Variants in TESK2 observed in about 807,000 individuals in gnomAD.
The protein encoded by TESK2 is dual specificity testis-specific protein kinase 2.
In TESK2, 39 loss-of-function variants were observed where a neutral mutation model predicts 57.1. The ratio of observed to expected loss-of-function variants is 0.68; its 90% CI spans 0.53 to 0.89. The LOEUF is 0.89. TESK2 is among the 40% of genes least tolerant of loss of function. The probability of loss-of-function intolerance (pLI) is 0.00; values close to 1 mark genes in which losing one functional copy is unlikely to be tolerated. For synonymous variants in TESK2, 249 were observed against 267.9 expected (o/e 0.93, Z 0.69); for missense variants, 646 against 732.1 (o/e 0.88, Z 1.36).
intron 3 of TESK2, among the ~76,000 whole-genome samples, chr1:45,392,144 G>A (rs1649172560): frequency 6.6e-6 from 1 of 152,174 alleles, no homozygotes; most frequent in Non-Finnish European, 1.5e-5. Flanking sequence ...GAAGTGCAGT[G>A]GTGCAATCTT....
chr1:45,368,265 G>A (rs1194124050), intron 4 of TESK2, among the ~76,000 whole-genome samples: 2 of 152,142 alleles, frequency 1.3e-5, no homozygotes, highest in Non-Finnish European at 2.9e-5. Context: ...GAAGTGCTGG[G>A]ATTACAGGTG....
intron 3 of TESK2, among the ~76,000 whole-genome samples, chr1:45,412,334 A>G (rs1650067271): frequency 6.6e-6 from 1 of 152,248 alleles, no homozygotes; most frequent in Non-Finnish European, 1.5e-5. Context: ...AAGCCTTTGA[A>G]TATTTAGAAT....
At chr1:45,381,767 A>C (rs1459498870) in intron 4 of TESK2, among the ~76,000 whole-genome samples, 1 of 152,102 alleles carries the variant, frequency 6.6e-6, no homozygotes, top group African/African-American at 2.4e-5. Context: ...TTAAAAAAAA[A>C]ACAAAGATTT....
At chr1:45,439,682 T>G in intron 2 of TESK2, among the ~76,000 whole-genome samples, 1 of 152,128 alleles carries the variant, frequency 6.6e-6, no homozygotes, top group East Asian at 1.9e-4. Flanking sequence ...CAGCTAGGCA[T>G]GGTAGCAAAC....
At chr1:45,386,995 C>A (rs1211612974) in intron 3 of TESK2, among the ~76,000 whole-genome samples, 1 of 152,126 alleles carries the variant, frequency 6.6e-6, no homozygotes, top group Non-Finnish European at 1.5e-5. Flanking sequence ...CAACCTTTCC[C>A]CCCAGGTCCT....
intron 1 of TESK2, among the ~76,000 whole-genome samples, chr1:45,467,871 G>A (rs1255750230): frequency 6.6e-6 from 1 of 151,862 alleles, no homozygotes; most frequent in Non-Finnish European, 1.5e-5. Flanking sequence ...ACTTATTTAA[G>A]TCCACAAACT....
At chr1:45,430,335 A>G (rs1035926033) in intron 2 of TESK2, among the ~76,000 whole-genome samples, 4 of 152,072 alleles carry the variant, frequency 2.6e-5, no homozygotes, top group Non-Finnish European at 4.4e-5. Flanking sequence ...AAAAAAAAAT[A>G]CAAAAATTAG....
At chr1:45,462,948 C>T (rs1440961261) in intron 1 of TESK2, among the ~76,000 whole-genome samples, 22 of 152,130 alleles carry the variant, frequency 1.4e-4, no homozygotes, top group Non-Finnish European at 3.2e-4. Context: ...GAGATGATAA[C>T]TCATTGTAGT....
chr1:45,412,702 A>G (rs1650080995), intron 3 of TESK2, among the ~76,000 whole-genome samples: 1 of 152,200 alleles, frequency 6.6e-6, no homozygotes, highest in Non-Finnish European at 1.5e-5. Flanking sequence ...AGTCTAAAAG[A>G]AATATTAAAT....
intron 4 of TESK2, among the ~76,000 whole-genome samples, chr1:45,384,593 ATTT>A (rs59988269): frequency 1.4e-5 from 1 of 70,866 alleles, no homozygotes; most frequent in African/African-American, 5.7e-5. Context: ...CTAATTATTA[ATTT>A]TTTTTTTTTT....
chr1:45,448,605 T>C lies in TESK2; in HGVS notation c.222+8959A>G, dbSNP rs553481253. 2.6e-5 allele frequency among the ~76,000 whole-genome samples: 4 copies of C among 152,028 alleles called. No individual in the cohort carries two copies. In the East Asian group the frequency reaches 5.8e-4, roughly 22 times the overall value. On this transcript the variant is annotated intron_variant, in intron 2 of 10. Transcript: ENST00000372086. ...GAGGAGGGGGAGGTCCCAGATTCTT[T>C]TAAACAGCCAGATGTCACATGAACA...
chr1:45,383,077 T>C (rs1309872715), intron 4 of TESK2, among the ~76,000 whole-genome samples: 1 of 152,216 alleles, frequency 6.6e-6, no homozygotes, highest in Non-Finnish European at 1.5e-5. Flanking sequence ...ATGAGTGCCA[T>C]GCTTGTCTAC....
intron 4 of TESK2, among the ~76,000 whole-genome samples, chr1:45,367,201 C>T (rs1159157885): frequency 6.6e-6 from 1 of 151,966 alleles, no homozygotes; most frequent in Non-Finnish European, 1.5e-5. Context: ...CAAAGAAAGG[C>T]TCAGGCAAAA....
intron 3 of TESK2, among the ~76,000 whole-genome samples, chr1:45,420,810 A>C (rs1388736862): frequency 2.0e-5 from 3 of 151,902 alleles, no homozygotes; most frequent in African/African-American, 7.3e-5. Context: ...GGATGGTCTC[A>C]ATCTCCTGAC....
chr1:45,364,660 G>A (rs1174949989), intron 4 of TESK2, among the ~76,000 whole-genome samples: 3 of 152,310 alleles, frequency 2.0e-5, no homozygotes, highest in Middle Eastern at 3.4e-3. Context: ...GGCAGTTTTG[G>A]AGGGTACTGC....
At chr1:45,375,684 GC>G (rs1359739628) in intron 4 of TESK2, among the ~76,000 whole-genome samples, 1 of 152,006 alleles carries the variant, frequency 6.6e-6, no homozygotes. Flanking sequence ...GATCACTTGA[GC>G]CCAGGACCAG....
chr1:45,470,013 G>T (rs140627476), intron 1 of TESK2, among the ~76,000 whole-genome samples: 1 of 152,266 alleles, frequency 6.6e-6, no homozygotes, highest in African/African-American at 2.4e-5. Flanking sequence ...GGAATCATAT[G>T]TGCACAAAGT....
At position 45,357,960 on chromosome 1, in the gene TESK2, C is replaced by T. The variant is rs142587122; in HGVS notation, c.394-2511G>A. On this transcript the variant is annotated intron_variant, in intron 4 of 10. Transcript: ENST00000372086. The stretch of plus-strand genomic sequence containing the variant: ...TGGAGGTTGCAGTAAGCCGAGATTG[C>T]ACCATTGTACTCCAGCCTGGGCAAG... Among the ~76,000 whole-genome samples, 655 of 142,868 alleles carry T rather than the reference C, an allele frequency of 4.6e-3. 3 individuals carry two copies. Among genetic ancestry groups the T allele is most frequent in the African/African-American group, 0.016 (629 of 38,226 alleles). 93.7% of individuals were successfully genotyped at this position (142,868 alleles called of 152,430 possible).
chr1:45,472,973 TAAA>T (rs1023886539), intron 1 of TESK2, among the ~76,000 whole-genome samples: 2 of 100,840 alleles, frequency 2.0e-5, no homozygotes, highest in Non-Finnish European at 4.2e-5. Context: ...CTGTCTCTAC[TAAA>T]AAAAAAAAAA....
Sources: allele counts gnomAD v4.1 joint callset (sites outside exome capture counted in the v4.1 genomes callset), GRCh38; gene constraint gnomAD v4.1.1; transcripts MANE v1.5; gene names NCBI Gene and HGNC (gene_info 2026-07-23, HGNC 2026-07-21).